The following NPL variants were observed in gnomAD, a reference collection of about 807,000 sequenced individuals.
NPL encodes the protein N-acetylneuraminate lyase.
A neutral mutation model predicts 41.1 loss-of-function variants in NPL; 32 were observed. The ratio of observed to expected loss-of-function variants is 0.78; its 90% CI spans 0.59 to 1.05. The LOEUF (loss-of-function observed/expected upper bound fraction) is 1.05. NPL is among the 50% of genes least tolerant of loss of function. The pLI, the probability that NPL is intolerant of heterozygous loss-of-function variation, is 0.00. For synonymous variants in NPL, 128 were observed against 134.9 expected (o/e 0.95, Z 0.35); for missense variants, 321 against 378.4 (o/e 0.85, Z 1.26).
chr1:182,825,509 T>C (rs1667608441), intron 11 of NPL, among the ~76,000 whole-genome samples: 1 of 152,202 alleles, frequency 6.6e-6, no homozygotes, highest in Non-Finnish European at 1.5e-5. Flanking sequence ...ATAAGGGGTG[T>C]GATTCCCATC....
In NPL at chr1:182,812,186, A is replaced by G. The variant is rs1383207181; in HGVS notation, c.261A>G (p.Ala87=). The change falls in exon 6 of 13, where the codon GCA becomes GCG. Residue 87 remains alanine (A), a synonymous_variant. Coordinates refer to ENST00000367553, the MANE Select transcript of NPL (RefSeq NM_030769.3). ...KLDQVIIHVG[A]LSLKESQELA... ...ATCAGGTGATAATTCACGTAGGAGCACTGAGCTTGAAGGAGTCACAGGAAC... is the reference window on the plus strand; with the variant it reads ...ATCAGGTGATAATTCACGTAGGAGCGCTGAGCTTGAAGGAGTCACAGGAAC... 6.2e-7 allele frequency: 1 copy of G among 1,613,954 alleles called. No individual in the cohort carries two copies. The highest frequency in any genetic ancestry group is 8.5e-7 in the Non-Finnish European group (1 of 1,179,826).
intron 3 of NPL, 73 bp downstream of exon 3, chr1:182,794,512 C>A: frequency 6.9e-7 from 1 of 1,454,476 alleles, no homozygotes; most frequent in Non-Finnish European, 9.7e-7. Context: ...TTTGTAACAA[C>A]AGTCACTTAA....
rs1667706321 is a variant in NPL, at chr1:182,829,187, T to C, written c.*279T>C. On this transcript the variant is annotated 3_prime_UTR_variant, in exon 13 of 13. Transcript: ENST00000367553. Reference sequence around the variant, plus strand: ...AATGGAATCAAGAGGAAAATTGTAATTGATTAATTCCATCTGTCTTTAGGA... The same window carrying C: ...AATGGAATCAAGAGGAAAATTGTAACTGATTAATTCCATCTGTCTTTAGGA... 7.7e-7 allele frequency: 1 copy of C among 1,300,796 alleles called. No homozygotes were observed. The highest frequency in any genetic ancestry group is 9.8e-7 in the Non-Finnish European group (1 of 1,024,012). The allele number at this position is 1,300,796 out of a possible 1,614,324, so 80.6% of individuals were successfully genotyped here. A position where few individuals can be genotyped will look rare whatever the true frequency, so the allele number is the denominator to read the frequency against.
chr1:182,824,752 A>G (rs556783760), intron 11 of NPL, among the ~76,000 whole-genome samples: 1 of 152,296 alleles, frequency 6.6e-6, no homozygotes, highest in African/African-American at 2.4e-5. Context: ...AGGCGAGATC[A>G]TGCCACCGCA....
At chr1:182,813,592 C>T (rs1667241071) in intron 6 of NPL, among the ~76,000 whole-genome samples, 1 of 152,096 alleles carries the variant, frequency 6.6e-6, no homozygotes, top group South Asian at 2.1e-4. Flanking sequence ...AAAATATTAT[C>T]ATGTAATGAC....
At chr1:182,810,717 C>A (rs553742308) in intron 5 of NPL, among the ~76,000 whole-genome samples, 1 of 149,692 alleles carries the variant, frequency 6.7e-6, no homozygotes, top group African/African-American at 2.5e-5. Flanking sequence ...TTCTTTAAGT[C>A]TCTATTCTTA....
At chr1:182,814,566 T>A (rs1310132643) in intron 6 of NPL, among the ~76,000 whole-genome samples, 1 of 152,218 alleles carries the variant, frequency 6.6e-6, no homozygotes, top group Non-Finnish European at 1.5e-5. Flanking sequence ...ATATGAAGTA[T>A]AAGATTAAGT....
chr1:182,816,573 G>A (rs1035606788), intron 7 of NPL, 141 bp from the exon 8 acceptor site: 42 of 685,596 alleles, frequency 6.1e-5, no homozygotes, highest in Admixed American at 1.0e-4. Flanking sequence ...TGCAGTAGCA[G>A]TAGCAGGGAT....
At chr1:182,800,834 A>G (rs145181845) in intron 3 of NPL, among the ~76,000 whole-genome samples, 3,421 of 150,754 alleles carry the variant, frequency 0.023, 128 homozygotes, top group African/African-American at 0.08. Flanking sequence ...GGTTCAAGCA[A>G]TCCTGCCTCA....
At chr1:182,806,265 T>G (rs778335182) in intron 5 of NPL, 33 bp downstream of exon 5, 2 of 1,613,644 alleles carry the variant, frequency 1.2e-6, no homozygotes, top group Non-Finnish European at 1.7e-6. Context: ...AAATGCCCTT[T>G]GGCAACAGCT....
At position 182,830,311 on chromosome 1, in the gene NPL, T is replaced by TA. The variant is rs1188480399; in HGVS notation, c.*1404dup. The TA allele has an allele frequency of 6.6e-6, 1 of 152,230 alleles. No homozygotes were observed. The highest frequency in any genetic ancestry group is 1.5e-5 in the Non-Finnish European group (1 of 68,040). 9.4% of individuals were successfully genotyped at this position (152,230 alleles called of 1,614,324 possible). ...GTTCTGAGGATGTGATATCCGTACT[T>TA]ACTGATACTAAAGCCAAATTTAAAT... is the stretch of plus-strand genomic sequence containing the variant. On this transcript the variant is annotated 3_prime_UTR_variant, in exon 13 of 13. Coordinates refer to ENST00000367553, the MANE Select transcript of NPL (RefSeq NM_030769.3).
intron 5 of NPL, among the ~76,000 whole-genome samples, chr1:182,808,104 T>G (rs1047562813): frequency 6.6e-6 from 1 of 152,102 alleles, no homozygotes; most frequent in African/African-American, 2.4e-5. Context: ...CTCTGGGAAC[T>G]CAGGCACATC....
rs748830113 is a variant in NPL, at chr1:182,818,883, G to C, written c.653+24G>C. ...AGGTAAGCATGACTCATTTTTCCCA[G>C]TGGTTATAAAGTCCCCCATAAAGGC... On this transcript the variant is annotated intron_variant, in intron 10 of 12. Coordinates refer to ENST00000367553, the MANE Select transcript of NPL (RefSeq NM_030769.3). 5 of 1,611,526 alleles carry C rather than the reference G, an allele frequency of 3.1e-6. No individual in the cohort carries two copies. In the Admixed American group the frequency reaches 6.7e-5, roughly 21 times the overall value.
rs1457075122 is a variant in NPL at position 182,806,673 on chromosome 1, A to G, written c.230+441A>G. The G allele has an allele frequency of 2.1e-5, 20 of 955,614 alleles. No homozygotes were observed. In the East Asian group the frequency reaches 2.9e-4, roughly 14 times the overall value. The allele number at this position is 955,614 out of a possible 1,614,324, so 59.2% of individuals were successfully genotyped here. On this transcript the variant is annotated intron_variant, in intron 5 of 12. Transcript: ENST00000367553. ...GACAGGTCTCTGTGCATCCAACTCA[A>G]TGTGCTCTTTTATGGTGCTTCCTCT...
At chr1:182,793,472 C>A (rs1666572570) in intron 2 of NPL, among the ~76,000 whole-genome samples, 7 of 152,196 alleles carry the variant, frequency 4.6e-5, no homozygotes, top group Admixed American at 4.6e-4. Flanking sequence ...CGTTCAGTCA[C>A]CCACATATTC....
intron 3 of NPL, among the ~76,000 whole-genome samples, chr1:182,802,712 T>C (rs1481308621): frequency 6.6e-6 from 1 of 152,242 alleles, no homozygotes; most frequent in African/African-American, 2.4e-5. Context: ...TGCATTTTGA[T>C]TGAGGACAGG....
intron 11 of NPL, among the ~76,000 whole-genome samples, chr1:182,823,981 C>T (rs140897297): frequency 6.6e-6 from 1 of 152,306 alleles, no homozygotes; most frequent in East Asian, 1.9e-4. Context: ...TACATAATTT[C>T]AGTAAAGGTG....
chr1:182,807,965 G>A (rs1279818124), intron 5 of NPL, among the ~76,000 whole-genome samples: 1 of 149,856 alleles, frequency 6.7e-6, no homozygotes, highest in Non-Finnish European at 1.5e-5. Context: ...AGCCCTCAGA[G>A]GGTAGGAGGC....
chr1:182,814,814 G>A lies in NPL; in HGVS notation c.320G>A (p.Gly107Asp), dbSNP rs1165955570. 6.8e-6 allele frequency: 11 copies of A among 1,613,922 alleles called. No individual in the cohort carries two copies. The African/African-American group carries it at 1.2e-4, about 18-fold the overall frequency. The change falls in exon 7 of 13, where the codon GGC becomes GAC. Residue 107 changes from glycine (G) to aspartate (D), a missense_variant. Gly to Asp is a moderately conservative substitution (Grantham distance 94, BLOSUM62 -1). Transcript: ENST00000367553. ...AQHAAEIGADGIAVIAPFFLK... is the reference protein window; with the variant it reads ...AQHAAEIGADDIAVIAPFFLK... ...CATGCAGCAGAAATAGGAGCTGATGGCATCGCTGTCATTGCACCGTTCTTC... is the reference window on the plus strand; with the variant it reads ...CATGCAGCAGAAATAGGAGCTGATGACATCGCTGTCATTGCACCGTTCTTC...
Sources: allele counts gnomAD v4.1 joint callset (sites outside exome capture counted in the v4.1 genomes callset), GRCh38; gene constraint gnomAD v4.1.1; transcripts MANE v1.5; gene names NCBI Gene and HGNC (gene_info 2026-07-23, HGNC 2026-07-21).